Variants in PVT1 observed in about 807,000 individuals in gnomAD.
The protein encoded by PVT1 is Pvt1 oncogene.
chr8:128,061,511 G>A (rs1813830344), intron 4 of PVT1, among the ~76,000 whole-genome samples: 1 of 152,210 alleles, frequency 6.6e-6, no homozygotes, highest in Admixed American at 6.5e-5. Context: ...TCTTGGGCAT[G>A]TGTATACCTA....
intron 3 of PVT1, among the ~76,000 whole-genome samples, chr8:127,916,794 T>A (rs930188965): frequency 6.6e-6 from 1 of 152,218 alleles, no homozygotes; most frequent in Non-Finnish European, 1.5e-5. Flanking sequence ...CCTTCCTTCC[T>A]GAGCCCCACT....
chr8:127,970,119 C>T (rs1162411626), intron 3 of PVT1, among the ~76,000 whole-genome samples: 1 of 152,048 alleles, frequency 6.6e-6, no homozygotes, highest in Non-Finnish European at 1.5e-5. Context: ...AAAGGCCTTA[C>T]CATATGAGCA....
chr8:127,890,441 T>G (rs1380111831), intron 2 of PVT1: 1 of 152,296 alleles, frequency 6.6e-6, no homozygotes, highest in Non-Finnish European at 1.5e-5. Flanking sequence ...TGGACACCGG[T>G]CTCAACTTTG....
intron 2 of PVT1, among the ~76,000 whole-genome samples, chr8:127,810,212 A>G (rs1335975391): frequency 6.6e-6 from 1 of 152,226 alleles, no homozygotes; most frequent in Non-Finnish European, 1.5e-5. Flanking sequence ...CAGGCCTTGC[A>G]AAGGCCATAT....
At chr8:127,997,190 C>T (rs951541755) in intron 4 of PVT1, among the ~76,000 whole-genome samples, 7 of 151,852 alleles carry the variant, frequency 4.6e-5, no homozygotes, top group East Asian at 3.9e-4. Context: ...TACAGGCATG[C>T]GCCACCACGT....
At position 127,948,317 on chromosome 8, in the gene PVT1, G is replaced by A. The variant is rs150618949; in HGVS notation, n.783-40845G>A. The A allele has an allele frequency of 9.2e-3, 1,736 of 188,788 alleles. 10 individuals are homozygous for A. Among genetic ancestry groups the A allele is most frequent in the Middle Eastern group, 0.02 (8 of 402 alleles). 11.7% of individuals were successfully genotyped at this position (188,788 alleles called of 1,614,324 possible). A position where few individuals can be genotyped will look rare whatever the true frequency, so the allele number is the denominator to read the frequency against. ...CCAGGGCGTTTGGGGGAAGGAGACCGACTCTAGGTGGTCCCGTCTGGTTTC... is the reference window on the plus strand; with the variant it reads ...CCAGGGCGTTTGGGGGAAGGAGACCAACTCTAGGTGGTCCCGTCTGGTTTC... On this transcript the variant is annotated intron_variant and non_coding_transcript_variant, in intron 3 of 10. Coordinates refer to ENST00000651587, the Ensembl canonical transcript of PVT1.
At chr8:127,960,032 A>C (rs933164186) in intron 3 of PVT1, among the ~76,000 whole-genome samples, 1 of 152,156 alleles carries the variant, frequency 6.6e-6, no homozygotes, top group African/African-American at 2.4e-5. Flanking sequence ...TGTACGTCGT[A>C]GTTTTGTCAT....
rs1554588311 is a variant in PVT1 at position 127,809,052 on chromosome 8, A to AAAAAAAAAAG, written n.372+12984_372+12985insAAAAAAGAAA. Among the ~76,000 whole-genome samples the AAAAAAAAAAG allele has an allele frequency of 6.9e-4, 93 of 135,040 alleles. 4 individuals are homozygous for AAAAAAAAAAG. Among genetic ancestry groups the AAAAAAAAAAG allele is most frequent in the Middle Eastern group, 3.7e-3 (1 of 272 alleles). 88.6% of individuals were successfully genotyped at this position (135,040 alleles called of 152,430 possible). A position where few individuals can be genotyped will look rare whatever the true frequency, so the allele number is the denominator to read the frequency against. Reference sequence around the variant, plus strand: ...CTCAAAAAAAAAAAAAAAAAAAAAAAAAAGAAAGAAAAAAAAGAAAAAGAA... The same window carrying AAAAAAAAAAG: ...CTCAAAAAAAAAAAAAAAAAAAAAAAAAAAAAAAAGAAAGAAAGAAAAAAAAGAAAAAGAA... On this transcript the variant is annotated intron_variant and non_coding_transcript_variant, in intron 2 of 10. Transcript: ENST00000651587.
intron 5 of PVT1, among the ~76,000 whole-genome samples, chr8:128,092,290 C>T (rs140976508): frequency 2.4e-4 from 36 of 152,144 alleles, no homozygotes; most frequent in Middle Eastern, 3.4e-3. Flanking sequence ...TTAATTGTCA[C>T]GTCAGACAGA....
At chr8:127,891,306 A>G (rs1434601678) in intron 3 of PVT1, among the ~76,000 whole-genome samples, 1 of 152,174 alleles carries the variant, frequency 6.6e-6, no homozygotes, top group Non-Finnish European at 1.5e-5. Flanking sequence ...ACAGTCTCTC[A>G]TGCTGCAGAA....
intron 4 of PVT1, among the ~76,000 whole-genome samples, chr8:128,054,273 C>T (rs561825455): frequency 1.3e-5 from 2 of 152,060 alleles, no homozygotes; most frequent in South Asian, 4.2e-4. Context: ...GCACTCTGTA[C>T]CCCACTTTCT....
chr8:127,805,999 A>T (rs1374224949), intron 2 of PVT1, among the ~76,000 whole-genome samples: 1 of 152,228 alleles, frequency 6.6e-6, no homozygotes, highest in African/African-American at 2.4e-5. Flanking sequence ...AAAAACTGCA[A>T]TGGTATTAAA....
intron 2 of PVT1, among the ~76,000 whole-genome samples, chr8:127,885,395 C>A (rs1815511857): frequency 6.6e-6 from 1 of 152,180 alleles, no homozygotes; most frequent in African/African-American, 2.4e-5. Flanking sequence ...AACAACAGAA[C>A]TTTATTTGTC....
At chr8:127,985,813 T>C (rs768405895) in intron 3 of PVT1, among the ~76,000 whole-genome samples, 4 of 152,178 alleles carry the variant, frequency 2.6e-5, no homozygotes, top group Non-Finnish European at 5.9e-5. Context: ...CTATTTGCAG[T>C]GGGCGATGGT....
chr8:127,872,210 T>A (rs919601970), intron 2 of PVT1, among the ~76,000 whole-genome samples: 2 of 152,166 alleles, frequency 1.3e-5, no homozygotes, highest in Non-Finnish European at 2.9e-5. Flanking sequence ...GGTCAGGAGT[T>A]CAAGACCAGC....
intron 2 of PVT1, among the ~76,000 whole-genome samples, chr8:127,817,489 G>GTA (rs1490929524): frequency 8.1e-6 from 1 of 124,024 alleles, no homozygotes; most frequent in East Asian, 2.3e-4. Context: ...GTGTGTGTGT[G>GTA]TGTATATACA....
At chr8:128,005,554 T>C (rs890437) in intron 4 of PVT1, among the ~76,000 whole-genome samples, 127,506 of 152,160 alleles carry the variant, frequency 0.84, 53,577 homozygotes, top group East Asian at 0.89. Context: ...CTGACTGCAG[T>C]GTGTCCTGGA....
intron 2 of PVT1, among the ~76,000 whole-genome samples, chr8:127,854,983 G>A (rs1325593391): frequency 6.6e-6 from 1 of 152,230 alleles, no homozygotes; most frequent in Non-Finnish European, 1.5e-5. Context: ...TGAAGGTGTA[G>A]TAGGAGAAGA....
At chr8:127,927,176 G>T (rs1586439648) in intron 3 of PVT1, among the ~76,000 whole-genome samples, 1 of 152,296 alleles carries the variant, frequency 6.6e-6, no homozygotes, top group East Asian at 1.9e-4. Flanking sequence ...ATGAAAATGG[G>T]ACTATTCGTC....
Sources: allele counts gnomAD v4.1 joint callset (sites outside exome capture counted in the v4.1 genomes callset), GRCh38; gene constraint gnomAD v4.1.1; transcripts MANE v1.5; gene names NCBI Gene and HGNC (gene_info 2026-07-23, HGNC 2026-07-21).